HS6ST3: variants seen among roughly 807,000 people sequenced by gnomAD.
The protein encoded by HS6ST3 is heparan sulfate 6-O-sulfotransferase 3.
HS6ST3 carries 12 observed loss-of-function variants against 36.7 expected under a neutral mutation model. The ratio of observed to expected loss-of-function variants is 0.33; its 90% confidence interval spans 0.21 to 0.53. The LOEUF is 0.53. Ranked by LOEUF, HS6ST3 falls within the 20% of genes least tolerant of loss-of-function variation. The pLI is 0.95. For synonymous variants in HS6ST3, 240 were observed against 257.5 expected, an observed-to-expected ratio of 0.93 and a Z score of 0.65; for missense variants, 584 against 640.9, an observed-to-expected ratio of 0.91 and a Z score of 0.96.
At chr13:96,740,627 A>T (rs1048905044) in intron 1 of HS6ST3, among the ~76,000 whole-genome samples, 4 of 152,102 alleles carry the variant, frequency 2.6e-5, no homozygotes, top group Admixed American at 6.5e-5. Flanking sequence ...TCTGCTAGTG[A>T]TATGGTAATT....
intron 1 of HS6ST3, among the ~76,000 whole-genome samples, chr13:96,130,669 C>A (rs1171773966): frequency 2.0e-5 from 3 of 152,114 alleles, no homozygotes; most frequent in Non-Finnish European, 4.4e-5. Flanking sequence ...ACCTATATCC[C>A]CAAATCTGCA....
chr13:96,657,260 C>T (rs2056629063), intron 1 of HS6ST3, among the ~76,000 whole-genome samples: 1 of 152,020 alleles, frequency 6.6e-6, no homozygotes, highest in Non-Finnish European at 1.5e-5. Context: ...AGAACTCATT[C>T]ACTTTTACGA....
At chr13:96,433,465 T>C (rs987518216) in intron 1 of HS6ST3, among the ~76,000 whole-genome samples, 11 of 152,196 alleles carry the variant, frequency 7.2e-5, no homozygotes, top group African/African-American at 2.4e-4. Context: ...CTTATGGTAG[T>C]GAATAAGTTT....
chr13:96,779,553 G>A (rs1877474459), intron 1 of HS6ST3, among the ~76,000 whole-genome samples: 1 of 152,022 alleles, frequency 6.6e-6, no homozygotes, highest in Non-Finnish European at 1.5e-5. Flanking sequence ...TGGACATTTT[G>A]TGGATGAGTA....
intron 1 of HS6ST3, among the ~76,000 whole-genome samples, chr13:96,524,696 G>T (rs1001609204): frequency 2.0e-5 from 3 of 152,194 alleles, no homozygotes; most frequent in African/African-American, 7.2e-5. Context: ...CAGGCCGGTT[G>T]CAAAGACTGT....
intron 1 of HS6ST3, among the ~76,000 whole-genome samples, chr13:96,326,588 T>A (rs978094759): frequency 6.6e-6 from 1 of 152,172 alleles, no homozygotes; most frequent in Non-Finnish European, 1.5e-5. Context: ...TGTTGGACAT[T>A]TGGGTTGGTT....
At chr13:96,690,784 G>C (rs976071342) in intron 1 of HS6ST3, among the ~76,000 whole-genome samples, 1 of 151,876 alleles carries the variant, frequency 6.6e-6, no homozygotes, top group African/African-American at 2.4e-5. Context: ...CTTATCAATT[G>C]TGAAATGAAC....
chr13:96,716,439 C>T (rs548093432), intron 1 of HS6ST3, among the ~76,000 whole-genome samples: 4 of 152,220 alleles, frequency 2.6e-5, no homozygotes, highest in Non-Finnish European at 5.9e-5. Flanking sequence ...AACTTAAATT[C>T]CATCTCTAGG....
intron 1 of HS6ST3, among the ~76,000 whole-genome samples, chr13:96,334,516 C>G (rs1463029698): frequency 6.6e-6 from 1 of 152,146 alleles, no homozygotes; most frequent in Non-Finnish European, 1.5e-5. Context: ...CTACCTGAGA[C>G]TAGGTAATTT....
chr13:96,798,576 A>T (rs144263231), intron 1 of HS6ST3, among the ~76,000 whole-genome samples: 1 of 152,206 alleles, frequency 6.6e-6, no homozygotes, highest in Non-Finnish European at 1.5e-5. Flanking sequence ...GTTACTATGG[A>T]CTTTGTAACC....
At chr13:96,574,307 G>T (rs754519060) in intron 1 of HS6ST3, 21 of 380,586 alleles carry the variant, frequency 5.5e-5, no homozygotes, top group Non-Finnish European at 9.4e-5. Context: ...CAAACGTACC[G>T]CCTCATTTTC....
chr13:96,689,929 T>A (rs656517), intron 1 of HS6ST3, among the ~76,000 whole-genome samples: 149,672 of 152,056 alleles, frequency 0.98, 73,705 homozygotes, highest in Middle Eastern at 1. Context: ...CAGAAGGGGG[T>A]AGAACAAGTA....
At chr13:96,830,949 C>G (rs150142053) in intron 1 of HS6ST3, among the ~76,000 whole-genome samples, 311 of 152,270 alleles carry the variant, frequency 2.0e-3, no homozygotes, top group Non-Finnish European at 3.5e-3. Flanking sequence ...AGACAGCTTG[C>G]GGGCCTGCTC....
intron 1 of HS6ST3, among the ~76,000 whole-genome samples, chr13:96,335,674 C>T (rs1476007682): frequency 6.6e-6 from 1 of 152,188 alleles, no homozygotes; most frequent in South Asian, 2.1e-4. Flanking sequence ...CTAAGGTACC[C>T]ACCCACAGAG....
Position 96,800,014 on chromosome 13 carries a change from GTA to G in HS6ST3, c.708-32464_708-32463del, listed in dbSNP as rs1378792108. 3.4e-4 allele frequency among the ~76,000 whole-genome samples: 40 copies of G among 117,036 alleles called. 1 individual carries two copies. In the South Asian group the frequency reaches 9.6e-3, roughly 28 times the overall value. 76.8% of individuals were successfully genotyped at this position (117,036 alleles called of 152,430 possible). ...TATATATATGTATATATATATATAT[GTA>G]TATATATATATGGAAGAGAGAAAGA... On this transcript the variant is annotated intron_variant, in intron 1 of 1. Coordinates refer to ENST00000376705, the MANE Select transcript of HS6ST3 (RefSeq NM_153456.4).
At chr13:96,583,574 C>T (rs2056350198) in intron 1 of HS6ST3, among the ~76,000 whole-genome samples, 2 of 152,092 alleles carry the variant, frequency 1.3e-5, no homozygotes, top group Admixed American at 1.3e-4. Context: ...CTAGTCCATG[C>T]GTTCTGCCCA....
chr13:96,265,685 GA>G (rs1217294978), intron 1 of HS6ST3, among the ~76,000 whole-genome samples: 2 of 152,200 alleles, frequency 1.3e-5, no homozygotes, highest in Admixed American at 1.3e-4. Flanking sequence ...GGGGTCAGTG[GA>G]CAGGACCATG....
chr13:96,090,398 C>T lies in HS6ST3; in HGVS notation c.-465C>T, dbSNP rs2053754581. Among the ~76,000 whole-genome samples the T allele has an allele frequency of 6.8e-6, 1 of 146,264 alleles. No homozygotes were observed. The highest frequency in any genetic ancestry group is 2.1e-4 in the South Asian group (1 of 4,826). ...GCGGCGGGAGCGGGCCGCGCCTTCG[C>T]CCTTGGCCGGCGCCCTGGCGAGCCT... is the stretch of plus-strand genomic sequence containing the variant. On this transcript the variant is annotated 5_prime_UTR_variant, in exon 1 of 2. Coordinates refer to ENST00000376705, the MANE Select transcript of HS6ST3 (RefSeq NM_153456.4).
intron 1 of HS6ST3, among the ~76,000 whole-genome samples, chr13:96,196,742 T>C (rs1340247841): frequency 6.6e-6 from 1 of 152,206 alleles, no homozygotes; most frequent in Non-Finnish European, 1.5e-5. Context: ...CGGAGGGACC[T>C]TTCTGAAGAG....
Sources: allele counts gnomAD v4.1 joint callset (sites outside exome capture counted in the v4.1 genomes callset), GRCh38; gene constraint gnomAD v4.1.1; transcripts MANE v1.5; gene names NCBI Gene and HGNC (gene_info 2026-07-23, HGNC 2026-07-21).